The following AFF3 variants were observed in gnomAD, a reference collection of about 807,000 sequenced individuals.
AFF3 encodes AF4/FMR2 family member 3.
A neutral mutation model predicts 129.7 loss-of-function variants in AFF3; 32 were observed. The observed-to-expected ratio is 0.25, with a 90% CI of 0.19 to 0.33. The LOEUF (loss-of-function observed/expected upper bound fraction) is 0.33, where lower values mean the gene tolerates loss of function less well. Among genes scored for constraint, AFF3 ranks in the 10% least tolerant of loss-of-function variants. The probability of loss-of-function intolerance (pLI) is 1.00; values close to 1 mark genes in which losing one functional copy is unlikely to be tolerated. For missense variants in AFF3, 1,373 were observed against 1,592.0 expected (o/e 0.86, Z 2.34); for synonymous variants, 644 against 635.4 (o/e 1.01, Z -0.20).
intron 7 of AFF3, among the ~76,000 whole-genome samples, chr2:99,995,143 A>G (rs1680720899): frequency 6.6e-6 from 1 of 152,202 alleles, no homozygotes; most frequent in South Asian, 2.1e-4. Flanking sequence ...TAGGTCTTGA[A>G]GGAAGGACAG....
At chr2:99,553,917 C>CAAAAAAAAAAAA (rs1674649199) in intron 24 of AFF3, among the ~76,000 whole-genome samples, 13 of 72,448 alleles carry the variant, frequency 1.8e-4, no homozygotes, top group South Asian at 8.1e-4. Flanking sequence ...CTGTCTCAAA[C>CAAAAAAAAAAAA]CAAAAAAAAA....
chr2:100,057,623 T>C (rs1433135534), intron 4 of AFF3, among the ~76,000 whole-genome samples: 1 of 152,224 alleles, frequency 6.6e-6, no homozygotes, highest in African/African-American at 2.4e-5. Flanking sequence ...CAGTTTGTCC[T>C]TCCTTTTCAG....
chr2:99,719,050 C>CTTTTTTTT (rs554515502), intron 11 of AFF3, among the ~76,000 whole-genome samples: 3 of 108,184 alleles, frequency 2.8e-5, no homozygotes, highest in Non-Finnish European at 1.8e-5. Context: ...CGCGCCCGGC[C>CTTTTTTTT]TTTTTTTTTT....
chr2:99,770,171 T>G (rs1261654466), intron 8 of AFF3, among the ~76,000 whole-genome samples: 1 of 152,180 alleles, frequency 6.6e-6, no homozygotes, highest in African/African-American at 2.4e-5. Flanking sequence ...TATTCCACTC[T>G]GGCTGAGCTG....
intron 4 of AFF3, among the ~76,000 whole-genome samples, chr2:100,033,573 T>C (rs959638639): frequency 2.0e-5 from 3 of 152,180 alleles, no homozygotes; most frequent in South Asian, 2.1e-4. Flanking sequence ...GAGTACCTAA[T>C]TGTAACTTAA....
intron 8 of AFF3, among the ~76,000 whole-genome samples, chr2:99,757,321 C>T (rs796560319): frequency 1.1e-4 from 16 of 152,310 alleles, no homozygotes; most frequent in African/African-American, 3.8e-4. Flanking sequence ...TAAACTTACA[C>T]GCCACACAAA....
intron 13 of AFF3, among the ~76,000 whole-genome samples, chr2:99,626,951 G>GT (rs1215436404): frequency 5.3e-5 from 8 of 152,138 alleles, no homozygotes; most frequent in Non-Finnish European, 7.4e-5. Context: ...TCCATGGTGT[G>GT]TATGTACCAT....
chr2:99,932,654 C>T (rs541111438), intron 7 of AFF3, among the ~76,000 whole-genome samples: 3 of 152,334 alleles, frequency 2.0e-5, no homozygotes, highest in Admixed American at 6.5e-5. Context: ...TTTTGTTCAT[C>T]TCTGTCCAGC....
intron 9 of AFF3, among the ~76,000 whole-genome samples, chr2:99,744,853 A>T (rs1681016477): frequency 6.6e-6 from 1 of 152,174 alleles, no homozygotes; most frequent in Non-Finnish European, 1.5e-5. Context: ...ATATGCAGGT[A>T]TGTACACTAG....
chr2:99,988,476 C>T (rs1026961634), intron 7 of AFF3, among the ~76,000 whole-genome samples: 1 of 152,080 alleles, frequency 6.6e-6, no homozygotes, highest in Admixed American at 6.6e-5. Flanking sequence ...TCCTGTATGC[C>T]GGACCCACAA....
intron 13 of AFF3, among the ~76,000 whole-genome samples, chr2:99,609,003 A>T (rs1175983604): frequency 6.6e-6 from 1 of 152,184 alleles, no homozygotes; most frequent in African/African-American, 2.4e-5. Flanking sequence ...CAACCAGAAG[A>T]AGTTTTACCC....
At chr2:99,759,554 C>T (rs1451767846) in intron 8 of AFF3, among the ~76,000 whole-genome samples, 5 of 152,156 alleles carry the variant, frequency 3.3e-5, no homozygotes, top group Non-Finnish European at 5.9e-5. Flanking sequence ...GCTAATTTTG[C>T]TTTAATTATA....
chr2:100,098,877 A>G (rs1173013179), intron 4 of AFF3, among the ~76,000 whole-genome samples: 2 of 112,228 alleles, frequency 1.8e-5, no homozygotes, highest in African/African-American at 7.8e-5. Context: ...CGGATGCAAC[A>G]CTCCACTGCT....
intron 13 of AFF3, among the ~76,000 whole-genome samples, chr2:99,638,721 C>G (rs1360117534): frequency 6.6e-6 from 1 of 152,208 alleles, no homozygotes; most frequent in Non-Finnish European, 1.5e-5. Flanking sequence ...CTGGAAGAAC[C>G]TGGGAAACTG....
chr2:99,955,713 T>C (rs1676577201), intron 7 of AFF3, among the ~76,000 whole-genome samples: 3 of 152,238 alleles, frequency 2.0e-5, no homozygotes, highest in Admixed American at 6.5e-5. Context: ...TGAATAATTA[T>C]CAGGCCAAAT....
At chr2:100,068,657 A>G (rs1687922580) in intron 4 of AFF3, among the ~76,000 whole-genome samples, 1 of 152,224 alleles carries the variant, frequency 6.6e-6, no homozygotes, top group Non-Finnish European at 1.5e-5. Flanking sequence ...GCTAATAATT[A>G]GGACTGCCTC....
intron 4 of AFF3, among the ~76,000 whole-genome samples, chr2:100,056,156 C>G (rs1429394141): frequency 6.6e-6 from 1 of 151,630 alleles, no homozygotes; most frequent in Non-Finnish European, 1.5e-5. Flanking sequence ...TCACGCTAGT[C>G]ACATCTCTCC....
chr2:99,774,844 TCTGACAAA>T (rs1443079380), intron 8 of AFF3, among the ~76,000 whole-genome samples: 2 of 152,144 alleles, frequency 1.3e-5, no homozygotes, highest in Admixed American at 1.3e-4. Flanking sequence ...AATCTATGCC[TCTGACAAA>T]GGTTTAACAT....
chr2:99,581,463 A>G (rs1326944779), intron 17 of AFF3, among the ~76,000 whole-genome samples: 1 of 152,100 alleles, frequency 6.6e-6, no homozygotes, highest in East Asian at 1.9e-4. Context: ...TTCATGGGAT[A>G]AAGTGTTACA....
Sources: allele counts gnomAD v4.1 joint callset (sites outside exome capture counted in the v4.1 genomes callset), GRCh38; gene constraint gnomAD v4.1.1; transcripts MANE v1.5; gene names NCBI Gene and HGNC (gene_info 2026-07-23, HGNC 2026-07-21).